Variants in NRF1 observed in about 807,000 individuals in gnomAD.
The protein encoded by NRF1 is alpha palindromic-binding protein.
NRF1 carries 5 observed loss-of-function variants against 58.5 expected under a neutral mutation model. The observed-to-expected ratio is 0.09, with a 90% CI of 0.04 to 0.18. The LOEUF is 0.18. NRF1 is among the 10% of genes least tolerant of loss of function. NRF1 has a pLI of 1.00. For synonymous variants in NRF1, 224 were observed against 246.7 expected (o/e 0.91, Z 0.86); for missense variants, 288 against 657.7 (o/e 0.44, Z 6.15).
chr7:129,619,431 T>C (rs62489262), intron 1 of NRF1, among the ~76,000 whole-genome samples: 20,130 of 69,764 alleles, frequency 0.29, 3,491 homozygotes, highest in East Asian at 0.54. Flanking sequence ...TATATATATA[T>C]ATACACACAC....
intron 5 of NRF1, among the ~76,000 whole-genome samples, chr7:129,704,040 C>T (rs760928091): frequency 5.9e-5 from 9 of 151,776 alleles, no homozygotes; most frequent in Non-Finnish European, 1.0e-4. Context: ...TCTGCTTGTA[C>T]ATCCCCCCAC....
intron 4 of NRF1, among the ~76,000 whole-genome samples, chr7:129,682,555 A>G (rs1028861761): frequency 2.6e-5 from 4 of 151,466 alleles, no homozygotes; most frequent in African/African-American, 7.3e-5. Flanking sequence ...ACAAGAATAT[A>G]GAGATCTGAA....
chr7:129,721,188 A>G (rs1165316213), intron 9 of NRF1, among the ~76,000 whole-genome samples: 1 of 152,112 alleles, frequency 6.6e-6, no homozygotes, highest in Non-Finnish European at 1.5e-5. Context: ...ATGTCCTTCT[A>G]CAAACCCATT....
At chr7:129,627,324 A>C (rs1800941054) in intron 1 of NRF1, among the ~76,000 whole-genome samples, 1 of 151,468 alleles carries the variant, frequency 6.6e-6, no homozygotes. Flanking sequence ...CAGTCCTCCC[A>C]CCTTAGTTTC....
intron 8 of NRF1, among the ~76,000 whole-genome samples, chr7:129,715,794 C>T (rs1584666554): frequency 6.6e-6 from 1 of 152,072 alleles, no homozygotes; most frequent in South Asian, 2.1e-4. Flanking sequence ...CACCTGAAGT[C>T]GGGAGTTCAA....
At chr7:129,648,714 T>C (rs1801468521) in intron 1 of NRF1, among the ~76,000 whole-genome samples, 1 of 152,176 alleles carries the variant, frequency 6.6e-6, no homozygotes, top group African/African-American at 2.4e-5. Context: ...CATGTAAGGA[T>C]AGGATATTAA....
chr7:129,627,670 A>G (rs973487906), intron 1 of NRF1, among the ~76,000 whole-genome samples: 6 of 152,140 alleles, frequency 3.9e-5, no homozygotes, highest in Admixed American at 2.0e-4. Flanking sequence ...ACTATTATAT[A>G]TAGTCTTTTG....
intron 6 of NRF1, among the ~76,000 whole-genome samples, chr7:129,709,874 G>T (rs1442597239): frequency 6.6e-6 from 1 of 151,722 alleles, no homozygotes; most frequent in Admixed American, 6.6e-5. Flanking sequence ...GGGATTACAG[G>T]CATGCACCAC....
intron 3 of NRF1, among the ~76,000 whole-genome samples, chr7:129,675,272 C>T (rs1802149944): frequency 6.6e-6 from 1 of 152,212 alleles, no homozygotes; most frequent in Non-Finnish European, 1.5e-5. Context: ...GTTACTTCCT[C>T]CACTGAAGTG....
intron 5 of NRF1, among the ~76,000 whole-genome samples, chr7:129,692,937 T>C (rs1437978625): frequency 6.6e-6 from 1 of 152,192 alleles, no homozygotes; most frequent in East Asian, 1.9e-4. Context: ...GAAGCTTTCT[T>C]CTCCCTACCA....
In NRF1 at chr7:129,727,343, T is replaced by A. The variant is rs746562653; in HGVS notation, c.1326T>A (p.Leu442=). Residue 442 remains leucine, a synonymous_variant, in exon 10 of 11, where the codon CTT becomes CTA. Coordinates refer to ENST00000393232, the MANE Select transcript of NRF1 (RefSeq NM_005011.5). ...SGETAAAVGA[L]TGVQDANGLV... is the part of the protein sequence containing the mutation. ...AAACCGCAGCAGCCGTCGGAGCACT[T>A]ACTGGAGTCCAAGATGCTAATGGTA... The A allele has an allele frequency of 6.2e-7, 1 of 1,605,812 alleles. No homozygotes were observed. Among genetic ancestry groups the A allele is most frequent in the Non-Finnish European group, 8.5e-7 (1 of 1,177,352 alleles).
intron 1 of NRF1, among the ~76,000 whole-genome samples, chr7:129,652,136 G>T (rs1490848359): frequency 6.6e-6 from 1 of 152,138 alleles, no homozygotes; most frequent in African/African-American, 2.4e-5. Context: ...AGAATCAAAA[G>T]ATCTCAAGAT....
At chr7:129,695,451 C>T (rs1252606689) in intron 5 of NRF1, among the ~76,000 whole-genome samples, 1 of 151,940 alleles carries the variant, frequency 6.6e-6, no homozygotes, top group Non-Finnish European at 1.5e-5. Flanking sequence ...GTGGCACGCC[C>T]CTGTAATCCA....
intron 10 of NRF1, among the ~76,000 whole-genome samples, chr7:129,751,034 C>T (rs546266283): frequency 4.6e-5 from 7 of 152,306 alleles, no homozygotes; most frequent in African/African-American, 7.2e-5. Context: ...ACAAGACATA[C>T]GAGCAGTGAG....
chr7:129,634,057 TATATAC>T (rs1562954927), intron 1 of NRF1, among the ~76,000 whole-genome samples: 10 of 114,464 alleles, frequency 8.7e-5, no homozygotes, highest in African/African-American at 3.4e-4. Flanking sequence ...TATATATATA[TATATAC>T]ACACACACAC....
chr7:129,735,962 C>A (rs1803699233), intron 10 of NRF1, among the ~76,000 whole-genome samples: 1 of 152,054 alleles, frequency 6.6e-6, no homozygotes, highest in African/African-American at 2.4e-5. Context: ...AAGCCTAGAC[C>A]ACTGCAGTCC....
chr7:129,715,004 C>T (rs1334524080), intron 8 of NRF1, among the ~76,000 whole-genome samples: 1 of 152,142 alleles, frequency 6.6e-6, no homozygotes, highest in African/African-American at 2.4e-5. Context: ...TGATGGATCA[C>T]CTGCTGTACT....
rs1803846213 is a variant in NRF1 at position 129,741,492 on chromosome 7, TC to T, written c.1349-13525del. Among the ~76,000 whole-genome samples, 1 of 152,200 alleles carries T rather than the reference TC, an allele frequency of 6.6e-6. No individual in the cohort carries two copies. The highest frequency in any genetic ancestry group is 2.4e-5 in the African/African-American group (1 of 41,454). On this transcript the variant is annotated intron_variant, in intron 10 of 10. Transcript: ENST00000393232. This position sits in a 1 kb window ranked among gnomAD's most constrained non-coding sequence, Gnocchi z 4.0. ...GCTATTCTGTAAAGGGATTTTTTTT[TC>T]TGGCATACCAAATCCAGAGCCATAA...
intron 10 of NRF1, chr7:129,734,989 G>A (rs554976127): frequency 1.1e-6 from 1 of 887,170 alleles, no homozygotes; most frequent in South Asian, 5.2e-5. Context: ...GAAAGGGTCA[G>A]GGGCGTGTTC....
Sources: gnomAD v4.1 joint callset for allele counts (sites outside exome capture counted in the v4.1 genomes callset) on GRCh38, gnomAD v4.1.1 for gene constraint, Gnocchi (gnomAD v3.1) non-coding constraint, MANE v1.5 for transcripts, NCBI Gene and HGNC (gene_info 2026-07-23, HGNC 2026-07-21) for gene names.